TENM2: variants seen among roughly 807,000 people sequenced by gnomAD.
TENM2 encodes the protein teneurin-2.
A neutral mutation model predicts 245.2 loss-of-function variants in TENM2; 52 were observed. The ratio of observed to expected loss-of-function variants is 0.21; its 90% CI spans 0.17 to 0.27. TENM2 has a LOEUF of 0.27. Among genes scored for constraint, TENM2 ranks in the 10% least tolerant of loss-of-function variants. TENM2 has a pLI of 1.00. For missense variants in TENM2, 3,046 were observed against 3,666.8 expected (o/e 0.83, Z 4.37); for synonymous variants, 1,363 against 1,438.9 (o/e 0.95, Z 1.19).
the TENM2 span, among the ~76,000 whole-genome samples, chr5:166,979,690 C>T: frequency 6.6e-6 from 1 of 151,910 alleles, no homozygotes; most frequent in Non-Finnish European, 1.5e-5. Flanking sequence ...TCATGGTTTT[C>T]TATGTATTTT....
At chr5:167,330,933 A>G (rs1346483724) in intron 1 of TENM2, among the ~76,000 whole-genome samples, 1 of 152,112 alleles carries the variant, frequency 6.6e-6, no homozygotes, top group African/African-American at 2.4e-5. Context: ...TTGTGTATGT[A>G]TTACCTATTG....
intron 2 of TENM2, among the ~76,000 whole-genome samples, chr5:167,683,249 C>CTTTTTT (rs1554100261): frequency 5.9e-5 from 4 of 67,364 alleles, no homozygotes; most frequent in African/African-American, 1.4e-4. Flanking sequence ...AGGACCATGT[C>CTTTTTT]TTTTTTTTTT....
chr5:167,110,119 G>T, the TENM2 span, among the ~76,000 whole-genome samples: 1 of 152,110 alleles, frequency 6.6e-6, no homozygotes, highest in Non-Finnish European at 1.5e-5. Context: ...GAGGCCGAGG[G>T]CTCCCAACAG....
chr5:167,898,928 C>T (rs1347460068), intron 3 of TENM2, among the ~76,000 whole-genome samples: 2 of 151,790 alleles, frequency 1.3e-5, no homozygotes, highest in African/African-American at 2.4e-5. Flanking sequence ...TCTGAAAAGG[C>T]GTGGATTGGC....
At chr5:167,530,807 G>C (rs1771442654) in intron 2 of TENM2, among the ~76,000 whole-genome samples, 1 of 152,202 alleles carries the variant, frequency 6.6e-6, no homozygotes. Flanking sequence ...TCTGTTTACT[G>C]TTTCCCTCAA....
chr5:168,262,231 C>T, exon 29 of TENM2: 1 of 1,605,172 alleles, frequency 6.2e-7, no homozygotes, highest in Non-Finnish European at 8.5e-7. Context: ...GGCGGGTGAC[C>T]ACGGGCGTGT....
Position 167,424,645 on chromosome 5 carries a change from T to A in TENM2, c.502+49172T>A, listed in dbSNP as rs192847847. Among the ~76,000 whole-genome samples the A allele has an allele frequency of 5.3e-3, 802 of 152,318 alleles. 5 individuals are homozygous for A. Among genetic ancestry groups the A allele is most frequent in the African/African-American group, 0.019 (774 of 41,564 alleles). On this transcript the variant is annotated intron_variant, in intron 2 of 28. Transcript: ENST00000518659. ...CAATACAATTAAAGTAGACATCTTT[T>A]AAAGGCTCTTAATATTCCCCCCAGA...
chr5:167,943,762 C>G (rs1243983840), intron 3 of TENM2, among the ~76,000 whole-genome samples: 1 of 152,154 alleles, frequency 6.6e-6, no homozygotes, highest in Non-Finnish European at 1.5e-5. Flanking sequence ...CTAAACTTCT[C>G]GACAGGGAGT....
chr5:167,607,375 A>C, intron 2 of TENM2, among the ~76,000 whole-genome samples: 1 of 152,170 alleles, frequency 6.6e-6, no homozygotes, highest in East Asian at 1.9e-4. Flanking sequence ...TTTATGTAAA[A>C]GCTCCTGATA....
rs769209829 is a variant in TENM2, at chr5:168,198,856, C to T, written c.2904C>T (p.Phe968=). Reference sequence around the variant, plus strand: ...AGCTCATTTACTCCCTCTCCAGGTTCGACCTGATCGCAAATGGAGGTGCTT... The same window carrying T: ...AGCTCATTTACTCCCTCTCCAGGTTTGACCTGATCGCAAATGGAGGTGCTT... Residue 968 remains phenylalanine (F), a synonymous_variant, in exon 16 of 29, where the codon TTC becomes TTT. Coordinates refer to ENST00000518659, the Ensembl canonical transcript of TENM2. 5.0e-6 allele frequency: 8 copies of T among 1,613,446 alleles called. No homozygotes were observed. The Admixed American group carries it at 5.0e-5, about 10-fold the overall frequency.
chr5:167,908,918 A>T (rs1157771239), intron 3 of TENM2, among the ~76,000 whole-genome samples: 1 of 152,050 alleles, frequency 6.6e-6, no homozygotes, highest in Admixed American at 6.5e-5. Flanking sequence ...TTTGAGGCCC[A>T]TAATCTGCTG....
At chr5:167,804,331 G>A (rs1049607938) in intron 2 of TENM2, among the ~76,000 whole-genome samples, 9 of 152,088 alleles carry the variant, frequency 5.9e-5, no homozygotes, top group African/African-American at 1.9e-4. Flanking sequence ...CGTAAGCCCT[G>A]TTTGCAAGAG....
At chr5:167,653,101 C>T (rs1445873836) in intron 2 of TENM2, 2 of 151,910 alleles carry the variant, frequency 1.3e-5, no homozygotes, top group Non-Finnish European at 2.9e-5. Flanking sequence ...GGTATGCTAA[C>T]AATACAAACG....
At chr5:168,132,082 T>C (rs554027074) in intron 12 of TENM2, among the ~76,000 whole-genome samples, 1 of 141,690 alleles carries the variant, frequency 7.1e-6, no homozygotes, top group East Asian at 2.1e-4. Context: ...AGATCAGGAG[T>C]CACCACATGC....
chr5:167,564,569 T>TA (rs1773784366), intron 2 of TENM2, among the ~76,000 whole-genome samples: 1 of 152,122 alleles, frequency 6.6e-6, no homozygotes, highest in Non-Finnish European at 1.5e-5. Flanking sequence ...TATTACTAGA[T>TA]AAAAAATGCA....
At chr5:167,918,278 C>T (rs1038533000) in intron 3 of TENM2, among the ~76,000 whole-genome samples, 4 of 152,124 alleles carry the variant, frequency 2.6e-5, no homozygotes, top group African/African-American at 7.2e-5. Context: ...GTGTATTGAG[C>T]GAGCGCTGAA....
At chr5:167,765,022 C>T (rs1170646246) in intron 2 of TENM2, among the ~76,000 whole-genome samples, 2 of 152,096 alleles carry the variant, frequency 1.3e-5, no homozygotes, top group Non-Finnish European at 2.9e-5. Context: ...AGTCTCAGTT[C>T]TCACTTTTCT....
chr5:168,258,326 C>T (rs1462560996), intron 27 of TENM2, among the ~76,000 whole-genome samples: 1 of 151,900 alleles, frequency 6.6e-6, no homozygotes, highest in African/African-American at 2.4e-5. Context: ...ATGGTGAAAC[C>T]CTGTCTCTAC....
exon 2 of TENM2, chr5:167,375,241 C>T (rs1461583100): frequency 6.4e-7 from 1 of 1,551,700 alleles, no homozygotes; most frequent in Admixed American, 2.0e-5. Flanking sequence ...GTGAGCCCTC[C>T]CCACACCGAA....
Sources: gnomAD v4.1 joint callset for allele counts (sites outside exome capture counted in the v4.1 genomes callset) on GRCh38, gnomAD v4.1.1 for gene constraint, MANE v1.5 for transcripts, NCBI Gene and HGNC (gene_info 2026-07-23, HGNC 2026-07-21) for gene names.